Variants in SPAG16 observed in about 807,000 individuals in gnomAD.
SPAG16 encodes the protein sperm associated antigen 16, also known as sperm-associated antigen 16 protein.
Under a neutral mutation model 80.4 loss-of-function variants are expected in SPAG16, and 86 were observed. The observed-to-expected ratio is 1.07, with a 90% CI of 0.90 to 1.28. The LOEUF (loss-of-function observed/expected upper bound fraction) is 1.28, where lower values mean the gene tolerates loss of function less well. Among genes scored for constraint, SPAG16 ranks in the 50% most tolerant of loss-of-function variants. SPAG16 has a pLI of 0.00. For synonymous variants in SPAG16, 294 were observed against 265.9 expected (o/e 1.11, Z -1.03); for missense variants, 870 against 765.3 (o/e 1.14, Z -1.61).
intron 5 of SPAG16, among the ~76,000 whole-genome samples, chr2:213,334,106 CTA>C (rs2124896449): frequency 6.6e-6 from 1 of 152,062 alleles, no homozygotes; most frequent in Middle Eastern, 3.4e-3. Context: ...ATAAGAAACT[CTA>C]TAGGAAAAAA....
chr2:213,396,565 G>C, intron 9 of SPAG16: 1 of 450,702 alleles, frequency 2.2e-6, no homozygotes. Context: ...ACAGCCCTCT[G>C]TCTAACTCCA....
At chr2:213,509,851 A>G (rs1253948404) in intron 10 of SPAG16, among the ~76,000 whole-genome samples, 1 of 152,182 alleles carries the variant, frequency 6.6e-6, no homozygotes, top group Non-Finnish European at 1.5e-5. Flanking sequence ...GACACAAAAA[A>G]CCCTTCAAAA....
chr2:214,370,144 G>T (rs1699720650), intron 15 of SPAG16, among the ~76,000 whole-genome samples: 1 of 152,018 alleles, frequency 6.6e-6, no homozygotes, highest in African/African-American at 2.4e-5. Context: ...TTGCCCCATA[G>T]TTTCCTGAGT....
At chr2:214,036,053 A>T (rs1009576927) in intron 13 of SPAG16, among the ~76,000 whole-genome samples, 2 of 152,160 alleles carry the variant, frequency 1.3e-5, no homozygotes, top group Non-Finnish European at 1.5e-5. Context: ...TAATTTTTAA[A>T]TTCCATCATT....
At chr2:214,372,010 T>A (rs1231934749) in intron 15 of SPAG16, among the ~76,000 whole-genome samples, 5 of 152,118 alleles carry the variant, frequency 3.3e-5, no homozygotes, top group Admixed American at 1.3e-4. Context: ...ATTATATATA[T>A]CTTATATGTA....
chr2:213,353,102 G>C (rs1233741267), intron 7 of SPAG16, among the ~76,000 whole-genome samples: 2 of 152,184 alleles, frequency 1.3e-5, no homozygotes, highest in African/African-American at 2.4e-5. Context: ...CCAGTGTACT[G>C]TGACTTGTTT....
chr2:214,391,825 C>T (rs1417804656), intron 15 of SPAG16, among the ~76,000 whole-genome samples: 1 of 152,108 alleles, frequency 6.6e-6, no homozygotes, highest in Non-Finnish European at 1.5e-5. Context: ...ATTCTAAGCC[C>T]CTAGATCTTC....
Position 214,016,430 on chromosome 2 carries a change from A to G in SPAG16, c.1527+2353A>G, listed in dbSNP as rs534938357. ...ACCCCTGATTCAGTTACTTCCCACC[A>G]GGTCCCTCCCATGACATGTGGGGAT... On this transcript the variant is annotated intron_variant, in intron 13 of 15. Coordinates refer to ENST00000331683, the MANE Select transcript of SPAG16 (RefSeq NM_024532.5). Among the ~76,000 whole-genome samples the G allele has an allele frequency of 1.4e-4, 21 of 152,312 alleles. 1 individual carries two copies. The Middle Eastern group carries it at 0.01, about 74-fold the overall frequency.
chr2:214,037,528 A>G (rs1190862299), intron 13 of SPAG16, among the ~76,000 whole-genome samples: 3 of 152,094 alleles, frequency 2.0e-5, no homozygotes, highest in Non-Finnish European at 4.4e-5. Flanking sequence ...TGTGTGTATA[A>G]TATCTACCTT....
chr2:214,409,281 A>C (rs1702168848), intron 15 of SPAG16, among the ~76,000 whole-genome samples: 1 of 152,028 alleles, frequency 6.6e-6, no homozygotes, highest in African/African-American at 2.4e-5. Context: ...AGTATGATTA[A>C]ATAATCCCAT....
intron 12 of SPAG16, among the ~76,000 whole-genome samples, chr2:213,957,436 T>C (rs988791468): frequency 6.6e-6 from 1 of 151,654 alleles, no homozygotes; most frequent in Non-Finnish European, 1.5e-5. Flanking sequence ...CCATCGTTGC[T>C]TTATTATTTG....
intron 10 of SPAG16, among the ~76,000 whole-genome samples, chr2:213,715,057 C>T (rs1375124019): frequency 6.6e-6 from 1 of 152,120 alleles, no homozygotes; most frequent in African/African-American, 2.4e-5. Flanking sequence ...ATGGGATTTG[C>T]TTTTCAGTGT....
intron 13 of SPAG16, among the ~76,000 whole-genome samples, chr2:214,023,135 A>T (rs377736035): frequency 6.6e-6 from 1 of 151,814 alleles, no homozygotes; most frequent in African/African-American, 2.4e-5. Context: ...TTCTCTGGGT[A>T]TCTCTGTAGC....
intron 13 of SPAG16, among the ~76,000 whole-genome samples, chr2:214,078,533 CAAA>C (rs35101370): frequency 0.3 from 34,640 of 116,862 alleles, 4,387 homozygotes; most frequent in Admixed American, 0.33. Flanking sequence ...GAGCCTGTCT[CAAA>C]AAAAAAAAAA....
chr2:213,901,018 T>C (rs1249098149), intron 11 of SPAG16, among the ~76,000 whole-genome samples: 1 of 152,204 alleles, frequency 6.6e-6, no homozygotes, highest in Non-Finnish European at 1.5e-5. Context: ...TTTTGTATCA[T>C]TCATTTTCCA....
At chr2:213,387,689 C>T (rs1176414229) in intron 9 of SPAG16, among the ~76,000 whole-genome samples, 3 of 151,310 alleles carry the variant, frequency 2.0e-5, no homozygotes, top group Non-Finnish European at 2.9e-5. Flanking sequence ...CTCCTGACCT[C>T]GTGATCCGCC....
At chr2:214,352,199 T>A (rs1380441133) in intron 15 of SPAG16, among the ~76,000 whole-genome samples, 1 of 152,152 alleles carries the variant, frequency 6.6e-6, no homozygotes, top group Non-Finnish European at 1.5e-5. Context: ...AATTTCAACA[T>A]ATGAATCAGG....
At chr2:213,766,046 AACGCT>A in intron 10 of SPAG16, among the ~76,000 whole-genome samples, 1 of 152,230 alleles carries the variant, frequency 6.6e-6, no homozygotes, top group East Asian at 1.9e-4. Flanking sequence ...TCGTGGCTTT[AACGCT>A]ACATTTCAGT....
intron 10 of SPAG16, among the ~76,000 whole-genome samples, chr2:213,802,509 A>G (rs1247005316): frequency 6.6e-6 from 1 of 152,050 alleles, no homozygotes; most frequent in Non-Finnish European, 1.5e-5. Context: ...ATTTTCTGAG[A>G]TAGCCAACTA....
Sources: allele counts gnomAD v4.1 joint callset (sites outside exome capture counted in the v4.1 genomes callset), GRCh38; gene constraint gnomAD v4.1.1; transcripts MANE v1.5; gene names NCBI Gene and HGNC (gene_info 2026-07-23, HGNC 2026-07-21).